The following PPP2CB variants were observed in gnomAD, a reference collection of about 807,000 sequenced individuals.
PPP2CB encodes protein phosphatase 2 catalytic subunit beta, also known as serine/threonine-protein phosphatase 2A catalytic subunit beta isoform.
Under a neutral mutation model 39.1 loss-of-function variants are expected in PPP2CB, and 18 were observed. The observed-to-expected ratio is 0.46, with a 90% CI of 0.32 to 0.68. The LOEUF is 0.68. Among genes scored for constraint, PPP2CB ranks in the 30% least tolerant of loss-of-function variants. The pLI is 0.04. For missense variants in PPP2CB, 226 were observed against 396.9 expected (o/e 0.57, Z 3.66); for synonymous variants, 129 against 133.8 (o/e 0.96, Z 0.25).
At chr8:30,806,539 AAC>A (rs1452715022) in intron 1 of PPP2CB, among the ~76,000 whole-genome samples, 4 of 152,204 alleles carry the variant, frequency 2.6e-5, no homozygotes, top group Non-Finnish European at 5.9e-5. Flanking sequence ...ATTTCTATTT[AAC>A]ACAGACTCAG....
intron 1 of PPP2CB, among the ~76,000 whole-genome samples, chr8:30,802,490 A>G (rs536746600): frequency 1.3e-5 from 2 of 152,084 alleles, no homozygotes; most frequent in African/African-American, 4.8e-5. Flanking sequence ...GCTTGCACAA[A>G]TTTTCTTTGA....
intron 3 of PPP2CB, among the ~76,000 whole-genome samples, chr8:30,797,235 A>G (rs1806542188): frequency 6.6e-6 from 1 of 152,240 alleles, no homozygotes; most frequent in South Asian, 2.1e-4. Context: ...CAGACACTGC[A>G]TGTATATGCA....
chr8:30,811,962 G>C (rs1038925086), intron 1 of PPP2CB, among the ~76,000 whole-genome samples: 3 of 152,182 alleles, frequency 2.0e-5, no homozygotes, highest in Admixed American at 2.0e-4. Flanking sequence ...AGTCCACTCG[G>C]GAAATGCTAG....
In PPP2CB at chr8:30,812,452, C is replaced by G. The variant is rs1242119430; in HGVS notation, c.-31G>C. 4 of 1,451,050 alleles carry G rather than the reference C, an allele frequency of 2.8e-6. No homozygotes were observed. The South Asian group carries it at 5.2e-5, about 19-fold the overall frequency. The allele number at this position is 1,451,050 out of a possible 1,614,324, so 89.9% of individuals were successfully genotyped here. On this transcript the variant is annotated 5_prime_UTR_variant, in exon 1 of 7. Coordinates refer to ENST00000221138, the MANE Select transcript of PPP2CB (RefSeq NM_001009552.2). Reference sequence around the variant, plus strand: ...CCCGATCCCGATGCGGATCCCGAGCCCCAGCCCGGCCGCCGCCCTCCCCCC... The same window carrying G: ...CCCGATCCCGATGCGGATCCCGAGCGCCAGCCCGGCCGCCGCCCTCCCCCC...
intron 1 of PPP2CB, among the ~76,000 whole-genome samples, chr8:30,805,478 T>C (rs1235899173): frequency 3.9e-5 from 6 of 152,060 alleles, no homozygotes; most frequent in Admixed American, 3.3e-4. Context: ...GTGAATGGCA[T>C]GAACCCGGTA....
chr8:30,786,774 C>T (rs1806349160), intron 6 of PPP2CB, among the ~76,000 whole-genome samples: 1 of 151,372 alleles, frequency 6.6e-6, no homozygotes, highest in African/African-American at 2.4e-5. Context: ...TACCATTCTC[C>T]TGCCTCAGCC....
intron 6 of PPP2CB, among the ~76,000 whole-genome samples, chr8:30,789,116 C>T (rs529304701): frequency 2.0e-5 from 3 of 151,854 alleles, no homozygotes; most frequent in South Asian, 2.1e-4. Flanking sequence ...TGATCGCCGC[C>T]GCCTCCCAGG....
chr8:30,806,791 C>T (rs560332421), intron 1 of PPP2CB, among the ~76,000 whole-genome samples: 1 of 152,244 alleles, frequency 6.6e-6, no homozygotes, highest in African/African-American at 2.4e-5. Context: ...AAAAGGCACA[C>T]ACGGCAATAA....
intron 1 of PPP2CB, among the ~76,000 whole-genome samples, chr8:30,811,912 A>G (rs1340615733): frequency 6.6e-6 from 1 of 152,138 alleles, no homozygotes; most frequent in African/African-American, 2.4e-5. Flanking sequence ...ATTTTCAGAA[A>G]CTGGTCTGAA....
At chr8:30,794,890 A>G (rs928623716) in intron 3 of PPP2CB, among the ~76,000 whole-genome samples, 1 of 152,222 alleles carries the variant, frequency 6.6e-6, no homozygotes, top group African/African-American at 2.4e-5. Flanking sequence ...TTCTAAGTAC[A>G]TAATCAAGTC....
intron 3 of PPP2CB, among the ~76,000 whole-genome samples, chr8:30,795,185 G>A (rs895330825): frequency 1.1e-4 from 16 of 145,894 alleles, no homozygotes; most frequent in African/African-American, 5.1e-5. Flanking sequence ...GCGTGATCTC[G>A]GCTCACCGCA....
chr8:30,789,480 G>T lies in PPP2CB; in HGVS notation c.857+1717C>A, dbSNP rs183331109. On this transcript the variant is annotated intron_variant, in intron 6 of 6. Transcript: ENST00000221138. The stretch of plus-strand genomic sequence containing the variant: ...CTAATGGCCACCGGAAATGTTATGT[G>T]ACTTGCAGATTGCTATCAAAGCTGA... 3.3e-3 allele frequency among the ~76,000 whole-genome samples: 501 copies of T among 152,296 alleles called. 4 individuals are homozygous for T. Among genetic ancestry groups the T allele is most frequent in the Non-Finnish European group, 5.0e-3 (339 of 68,008 alleles).
intron 1 of PPP2CB, among the ~76,000 whole-genome samples, chr8:30,811,981 GA>G (rs1051125540): frequency 6.6e-6 from 1 of 152,166 alleles, no homozygotes; most frequent in African/African-American, 2.4e-5. Context: ...AGAGTGGCAG[GA>G]ACTCCCCAGT....
chr8:30,806,257 T>A (rs991392039), intron 1 of PPP2CB, among the ~76,000 whole-genome samples: 1 of 151,608 alleles, frequency 6.6e-6, no homozygotes, highest in Non-Finnish European at 1.5e-5. Flanking sequence ...GGTTTCACCA[T>A]GTTAGCCAGG....
intron 6 of PPP2CB, among the ~76,000 whole-genome samples, chr8:30,787,994 A>T (rs1320084250): frequency 6.6e-6 from 1 of 152,146 alleles, no homozygotes; most frequent in Non-Finnish European, 1.5e-5. Flanking sequence ...TATTTATTGT[A>T]TTCCCTTATA....
rs1372616323 is a variant in PPP2CB, at chr8:30,810,539, GC to G, written c.102+1780del. Among the ~76,000 whole-genome samples, 5 of 152,170 alleles carry G rather than the reference GC, an allele frequency of 3.3e-5. No individual in the cohort carries two copies. In the East Asian group the frequency reaches 9.6e-4, roughly 29 times the overall value. On this transcript the variant is annotated intron_variant, in intron 1 of 6. Coordinates refer to ENST00000221138, the MANE Select transcript of PPP2CB (RefSeq NM_001009552.2). ...CATAACTTCAAGTCTGTATTCTGAT[GC>G]TCATAGTCAGGTTAACTGACTCAGA...
At position 30,795,209 on chromosome 8, in the gene PPP2CB, G is replaced by A. The variant is rs191801839; in HGVS notation, c.487-928C>T. 2.0e-5 allele frequency among the ~76,000 whole-genome samples: 3 copies of A among 148,968 alleles called. No homozygotes were observed. In the Admixed American group the frequency reaches 2.0e-4, roughly 10 times the overall value. ...CGGCTCACCGCAACCTCCGCCTTCC[G>A]GGTTCAAGCAATTCTCCTGCCTGAG... On this transcript the variant is annotated intron_variant, in intron 3 of 6. Transcript: ENST00000221138.
chr8:30,795,979 G>T (rs28595289), intron 3 of PPP2CB, among the ~76,000 whole-genome samples: 10,533 of 152,108 alleles, frequency 0.069, 727 homozygotes, highest in African/African-American at 0.18. Flanking sequence ...GAAGGAAGGA[G>T]GAAGGGAAAA....
chr8:30,789,123 C>T (rs953802955), intron 6 of PPP2CB, among the ~76,000 whole-genome samples: 4 of 151,942 alleles, frequency 2.6e-5, no homozygotes, highest in Admixed American at 6.6e-5. Context: ...CGCCGCCTCC[C>T]AGGTTCAAGC....
Sources: gnomAD v4.1 joint callset for allele counts (sites outside exome capture counted in the v4.1 genomes callset) on GRCh38, gnomAD v4.1.1 for gene constraint, MANE v1.5 for transcripts, NCBI Gene and HGNC (gene_info 2026-07-23, HGNC 2026-07-21) for gene names.